PIK3AP1: variants seen among roughly 807,000 people sequenced by gnomAD.
The protein encoded by PIK3AP1 is phosphoinositide-3-kinase adaptor protein 1.
PIK3AP1 carries 21 observed loss-of-function variants against 88.1 expected under a neutral mutation model. That is an observed-to-expected ratio of 0.24 (90% CI 0.17 to 0.34). The LOEUF is 0.34. PIK3AP1 is among the 10% of genes least tolerant of loss of function. PIK3AP1 has a pLI of 1.00. For missense variants in PIK3AP1, 828 were observed against 1,035.7 expected (o/e 0.80, Z 2.75); for synonymous variants, 398 against 400.0 (o/e 1.00, Z 0.06).
chr10:96,712,636 C>CT (rs1193305249), intron 1 of PIK3AP1, among the ~76,000 whole-genome samples: 1 of 152,208 alleles, frequency 6.6e-6, no homozygotes, highest in African/African-American at 2.4e-5. Flanking sequence ...ATATATTTAC[C>CT]TTCTTTCTGT....
At chr10:96,602,841 G>A (rs1161353748) in intron 15 of PIK3AP1, among the ~76,000 whole-genome samples, 1 of 152,170 alleles carries the variant, frequency 6.6e-6, no homozygotes, top group African/African-American at 2.4e-5. Flanking sequence ...TCAACCTAAA[G>A]CAGCAACTTA....
intron 2 of PIK3AP1, among the ~76,000 whole-genome samples, chr10:96,672,863 C>T (rs1281533421): frequency 6.6e-6 from 1 of 152,232 alleles, no homozygotes; most frequent in Non-Finnish European, 1.5e-5. Context: ...GGAGTTGTCT[C>T]AGCGCCCAGT....
intron 2 of PIK3AP1, among the ~76,000 whole-genome samples, chr10:96,689,186 T>C (rs1358205277): frequency 6.6e-6 from 1 of 152,174 alleles, no homozygotes; most frequent in East Asian, 1.9e-4. Flanking sequence ...ACGCATCCTG[T>C]GCTTTCCTCT....
At chr10:96,697,211 A>G (rs1056151933) in intron 2 of PIK3AP1, among the ~76,000 whole-genome samples, 1 of 152,218 alleles carries the variant, frequency 6.6e-6, no homozygotes, top group Admixed American at 6.5e-5. Context: ...TATAGGTATT[A>G]GCCCACCCCG....
At chr10:96,686,969 T>C (rs1844077225) in intron 2 of PIK3AP1, among the ~76,000 whole-genome samples, 1 of 152,188 alleles carries the variant, frequency 6.6e-6, no homozygotes, top group Admixed American at 6.5e-5. Flanking sequence ...TTTTAGAAAC[T>C]GATCTCTTGA....
At chr10:96,681,986 A>ATG (rs1564982331) in intron 2 of PIK3AP1, among the ~76,000 whole-genome samples, 3 of 107,808 alleles carry the variant, frequency 2.8e-5, no homozygotes, top group Non-Finnish European at 5.3e-5. Flanking sequence ...ACATAAATAT[A>ATG]TGTGTGTGTA....
At chr10:96,687,205 G>A (rs1368187476) in intron 2 of PIK3AP1, among the ~76,000 whole-genome samples, 3 of 135,870 alleles carry the variant, frequency 2.2e-5, no homozygotes, top group Non-Finnish European at 4.6e-5. Flanking sequence ...GCAGTGAGCC[G>A]AGACAGCGCC....
At chr10:96,679,353 C>A (rs1033452159) in intron 2 of PIK3AP1, among the ~76,000 whole-genome samples, 6 of 152,042 alleles carry the variant, frequency 3.9e-5, no homozygotes, top group African/African-American at 1.2e-4. Context: ...CATGGTGAAA[C>A]CCCGCCTCTA....
chr10:96,690,829 C>T (rs1278966245), intron 2 of PIK3AP1, among the ~76,000 whole-genome samples: 1 of 152,170 alleles, frequency 6.6e-6, no homozygotes, highest in East Asian at 1.9e-4. Context: ...TCAATTAGAT[C>T]CTACCCTGAG....
At position 96,720,082 on chromosome 10, in the gene PIK3AP1, G is replaced by C. The variant is rs907056455; in HGVS notation, c.13+300C>G. On this transcript the variant is annotated intron_variant, in intron 1 of 16. Transcript: ENST00000339364. This position sits in a 1 kb window ranked among gnomAD's most constrained non-coding sequence, Gnocchi z 4.6. ...TCTCGCTTCAGAGTCGGAGGGACAG[G>C]GGAAGCGACGCTCAGACACTCCTAG... Among the ~76,000 whole-genome samples the C allele has an allele frequency of 1.3e-4, 20 of 152,204 alleles. No homozygotes were observed. The highest frequency in any genetic ancestry group is 4.8e-4 in the African/African-American group (20 of 41,442).
chr10:96,647,065 A>T (rs1843469710), intron 7 of PIK3AP1, among the ~76,000 whole-genome samples: 1 of 152,230 alleles, frequency 6.6e-6, no homozygotes, highest in South Asian at 2.1e-4. Context: ...GACAGTTCTA[A>T]GAGGCCATAA....
At chr10:96,661,303 T>A (rs894393665) in intron 2 of PIK3AP1, among the ~76,000 whole-genome samples, 1 of 152,080 alleles carries the variant, frequency 6.6e-6, no homozygotes, top group Non-Finnish European at 1.5e-5. Context: ...AAAGAATGAA[T>A]AGGCAGAGCA....
chr10:96,654,552 C>T (rs147646517), intron 3 of PIK3AP1, among the ~76,000 whole-genome samples: 1 of 152,308 alleles, frequency 6.6e-6, no homozygotes, highest in Non-Finnish European at 1.5e-5. Flanking sequence ...CCCACCTACA[C>T]CTTCTGCCAG....
At chr10:96,674,627 C>G (rs955567872) in intron 2 of PIK3AP1, among the ~76,000 whole-genome samples, 1 of 152,198 alleles carries the variant, frequency 6.6e-6, no homozygotes, top group Non-Finnish European at 1.5e-5. Flanking sequence ...ATACTTCTTG[C>G]ATGAATGGAT....
intron 2 of PIK3AP1, among the ~76,000 whole-genome samples, chr10:96,691,912 T>G (rs1462951032): frequency 2.6e-5 from 4 of 152,370 alleles, no homozygotes; most frequent in Non-Finnish European, 1.5e-5. Context: ...TTGCTTAATC[T>G]TGGTGCATGT....
At chr10:96,677,586 C>A (rs1177595515) in intron 2 of PIK3AP1, among the ~76,000 whole-genome samples, 1 of 139,266 alleles carries the variant, frequency 7.2e-6, no homozygotes, top group Non-Finnish European at 1.5e-5. Flanking sequence ...CATACACACA[C>A]ACACACACAC....
intron 16 of PIK3AP1, among the ~76,000 whole-genome samples, chr10:96,599,494 G>A (rs182263638): frequency 2.0e-5 from 3 of 152,214 alleles, no homozygotes; most frequent in Admixed American, 1.3e-4. Context: ...GACCAGAACC[G>A]GGATGGAGTG....
At chr10:96,602,861 C>T (rs1319988537) in intron 15 of PIK3AP1, among the ~76,000 whole-genome samples, 1 of 152,126 alleles carries the variant, frequency 6.6e-6, no homozygotes, top group African/African-American at 2.4e-5. Context: ...ACTCCCTGCT[C>T]GGAGGCCTAG....
intron 2 of PIK3AP1, among the ~76,000 whole-genome samples, chr10:96,704,934 C>T (rs994964858): frequency 3.3e-5 from 5 of 152,118 alleles, no homozygotes; most frequent in Non-Finnish European, 7.4e-5. Flanking sequence ...TACTCTATTA[C>T]CCACTCCACT....
Sources: gnomAD v4.1 joint callset for allele counts (sites outside exome capture counted in the v4.1 genomes callset) on GRCh38, gnomAD v4.1.1 for gene constraint, Gnocchi (gnomAD v3.1) non-coding constraint, MANE v1.5 for transcripts, NCBI Gene and HGNC (gene_info 2026-07-23, HGNC 2026-07-21) for gene names.